ENPP6: variants seen among roughly 807,000 people sequenced by gnomAD.
ENPP6 encodes the protein glycerophosphocholine cholinephosphodiesterase ENPP6.
In ENPP6, 32 loss-of-function variants were observed where a neutral mutation model predicts 42.0. The observed-to-expected ratio is 0.76, with a 90% CI of 0.58 to 1.02. ENPP6 has a LOEUF of 1.02. Among genes scored for constraint, ENPP6 ranks in the 50% least tolerant of loss-of-function variants. ENPP6 has a pLI of 0.00. For missense variants in ENPP6, 552 were observed against 566.8 expected (o/e 0.97, Z 0.27); for synonymous variants, 213 against 216.0 (o/e 0.99, Z 0.12).
At chr4:184,161,231 A>T (rs1737252092) in intron 1 of ENPP6, among the ~76,000 whole-genome samples, 1 of 152,162 alleles carries the variant, frequency 6.6e-6, no homozygotes, top group Non-Finnish European at 1.5e-5. Flanking sequence ...TGGGCTAAGG[A>T]CATGAATAGA....
chr4:184,205,915 G>A (rs1200106471), intron 1 of ENPP6, among the ~76,000 whole-genome samples: 1 of 152,148 alleles, frequency 6.6e-6, no homozygotes, highest in Non-Finnish European at 1.5e-5. Flanking sequence ...AGAGGACAGG[G>A]TCCTGGGACC....
chr4:184,154,277 C>G (rs893810291), intron 1 of ENPP6, among the ~76,000 whole-genome samples: 5 of 152,178 alleles, frequency 3.3e-5, no homozygotes, highest in Non-Finnish European at 7.4e-5. Context: ...AGCAGGAAAA[C>G]AACCCTTCAA....
intron 1 of ENPP6, among the ~76,000 whole-genome samples, chr4:184,200,296 C>A (rs4861609): frequency 0.55 from 83,636 of 152,018 alleles, 23,650 homozygotes; most frequent in East Asian, 0.95. Context: ...CGGACCCACT[C>A]GGCACATCTG....
intron 1 of ENPP6, among the ~76,000 whole-genome samples, chr4:184,195,627 A>G (rs1732782668): frequency 6.6e-6 from 1 of 152,130 alleles, no homozygotes; most frequent in South Asian, 2.1e-4. Context: ...CTCGCCTTCT[A>G]CGCTCTGTCT....
chr4:184,113,923 C>CT (rs1186087900), intron 5 of ENPP6, among the ~76,000 whole-genome samples: 1 of 135,366 alleles, frequency 7.4e-6, no homozygotes, highest in African/African-American at 2.7e-5. Context: ...TTCTTTCTTT[C>CT]TTTCTTTCTT....
chr4:184,113,922 T>TCTTTCTTTCTTC (rs1202349080), intron 5 of ENPP6, among the ~76,000 whole-genome samples: 91 of 138,364 alleles, frequency 6.6e-4, no homozygotes, highest in South Asian at 1.6e-3. Flanking sequence ...TTTCTTTCTT[T>TCTTTCTTTCTTC]CTTTCTTTCT....
rs148600644 is a variant in ENPP6 at position 184,147,869 on chromosome 4, T to C, written c.421+5685A>G. Among the ~76,000 whole-genome samples, 81 of 151,742 alleles carry C rather than the reference T, an allele frequency of 5.3e-4. 1 individual carries two copies. Among genetic ancestry groups the C allele is most frequent in the African/African-American group, 1.9e-3 (80 of 41,400 alleles). ...CTGGCCTCAGCCTCTCTCCACCTTA[T>C]CCACACCACACCTCTCCTCCCTTCT... On this transcript the variant is annotated intron_variant, in intron 2 of 7. Transcript: ENST00000296741.
At chr4:184,130,086 G>C (rs1736568620) in intron 2 of ENPP6, among the ~76,000 whole-genome samples, 1 of 152,202 alleles carries the variant, frequency 6.6e-6, no homozygotes, top group African/African-American at 2.4e-5. Context: ...GGAGCTTAGG[G>C]TGGGAAGCTT....
At chr4:184,183,213 C>T (rs542771018) in intron 1 of ENPP6, among the ~76,000 whole-genome samples, 1 of 152,296 alleles carries the variant, frequency 6.6e-6, no homozygotes, top group Admixed American at 6.5e-5. Flanking sequence ...CCTATTAGTT[C>T]TAAGCCAGAT....
chr4:184,120,639 T>C (rs1317050886), intron 3 of ENPP6, among the ~76,000 whole-genome samples: 1 of 151,846 alleles, frequency 6.6e-6, no homozygotes, highest in South Asian at 2.1e-4. Flanking sequence ...AGGATGGGAG[T>C]AAGTGATGCA....
chr4:184,106,036 AGTT>A (rs1560979371), intron 6 of ENPP6, among the ~76,000 whole-genome samples: 2 of 74,154 alleles, frequency 2.7e-5, no homozygotes, highest in South Asian at 7.3e-4. Context: ...AAAAATACCA[AGTT>A]GTTTTTTTTT....
At chr4:184,201,241 G>A (rs960807020) in intron 1 of ENPP6, among the ~76,000 whole-genome samples, 2 of 152,188 alleles carry the variant, frequency 1.3e-5, no homozygotes, top group African/African-American at 4.8e-5. Flanking sequence ...TGAGATGAAT[G>A]TTAACCTGCT....
intron 7 of ENPP6, 145 bp downstream of exon 7, chr4:184,097,100 T>G: frequency 4.1e-6 from 5 of 1,223,582 alleles, no homozygotes; most frequent in African/African-American, 1.5e-5. Flanking sequence ...AGATGTTTCA[T>G]GGAGACCGGC....
intron 6 of ENPP6, among the ~76,000 whole-genome samples, chr4:184,103,554 G>A (rs759390096): frequency 1.1e-4 from 16 of 152,234 alleles, no homozygotes; most frequent in Admixed American, 9.8e-4. Context: ...GGTGGCTTCA[G>A]TGAAAACGCT....
At chr4:184,201,827 T>C (rs1028270696) in intron 1 of ENPP6, among the ~76,000 whole-genome samples, 3 of 152,188 alleles carry the variant, frequency 2.0e-5, no homozygotes, top group Non-Finnish European at 4.4e-5. Context: ...CCATGCCTGC[T>C]TCTTTAGGCA....
At chr4:184,214,187 A>G (rs1435229143) in intron 1 of ENPP6, among the ~76,000 whole-genome samples, 3 of 150,020 alleles carry the variant, frequency 2.0e-5, no homozygotes, top group Admixed American at 6.6e-5. Context: ...ACATGTATAC[A>G]TATGTAACTA....
rs571603420 is a variant in ENPP6, at chr4:184,129,824, A to G, written c.422-5552T>C. ...GCTACAAAATAGTATATAACAGATG[A>G]TCTCCTTTTTGGAAGTATTTAAAGC... On this transcript the variant is annotated intron_variant, in intron 2 of 7. Transcript: ENST00000296741. 5.9e-5 allele frequency among the ~76,000 whole-genome samples: 9 copies of G among 152,354 alleles called. No individual in the cohort carries two copies. The South Asian group carries it at 1.9e-3, about 32-fold the overall frequency.
chr4:184,110,756 G>T (rs1736184182), intron 6 of ENPP6, among the ~76,000 whole-genome samples: 1 of 152,178 alleles, frequency 6.6e-6, no homozygotes, highest in South Asian at 2.1e-4. Context: ...CAGCAATCCT[G>T]GAATTGCCTG....
chr4:184,094,719 C>G (rs1735868098), intron 7 of ENPP6, among the ~76,000 whole-genome samples: 1 of 152,276 alleles, frequency 6.6e-6, no homozygotes, highest in Non-Finnish European at 1.5e-5. Flanking sequence ...GGCTGGCCAC[C>G]TGGGGCTGCC....
Sources: allele counts gnomAD v4.1 joint callset (sites outside exome capture counted in the v4.1 genomes callset), GRCh38; gene constraint gnomAD v4.1.1; transcripts MANE v1.5; gene names NCBI Gene and HGNC (gene_info 2026-07-23, HGNC 2026-07-21).